MYO1E: variants seen among roughly 807,000 people sequenced by gnomAD.
MYO1E encodes unconventional myosin-Ie.
Under a neutral mutation model 151.1 loss-of-function variants are expected in MYO1E, and 68 were observed. The ratio of observed to expected loss-of-function variants is 0.45; its 90% CI spans 0.37 to 0.55. The LOEUF is 0.55. MYO1E is among the 20% of genes least tolerant of loss of function. The pLI is 0.00. For missense variants in MYO1E, 1,363 were observed against 1,389.3 expected, an observed-to-expected ratio of 0.98 and a Z score of 0.30; for synonymous variants, 601 against 501.7, an observed-to-expected ratio of 1.20 and a Z score of -2.64.
chr15:59,174,787 G>A (rs2079615143), intron 19 of MYO1E, among the ~76,000 whole-genome samples: 1 of 152,018 alleles, frequency 6.6e-6, no homozygotes, highest in Non-Finnish European at 1.5e-5. Flanking sequence ...GATTCACCAA[G>A]GACCAGCGGA....
chr15:59,314,985 T>G (rs1314910492), intron 1 of MYO1E, among the ~76,000 whole-genome samples: 1 of 152,114 alleles, frequency 6.6e-6, no homozygotes, highest in East Asian at 1.9e-4. Flanking sequence ...TGGATTTCCA[T>G]GAGTAACCTT....
At chr15:59,207,946 G>C in intron 14 of MYO1E, 1 of 1,613,858 alleles carries the variant, frequency 6.2e-7, no homozygotes, top group Non-Finnish European at 8.5e-7. Context: ...AGATGAAGAA[G>C]TATTCCTCAG....
rs776652783 is a variant in MYO1E at position 59,223,134 on chromosome 15, C to A, written c.835G>T (p.Val279Leu). The A allele has an allele frequency of 2.5e-6, 4 of 1,614,238 alleles. No homozygotes were observed. Among genetic ancestry groups the A allele is most frequent in the Non-Finnish European group, 3.4e-6 (4 of 1,180,042 alleles). Residue 279 changes from valine to leucine, a missense_variant, in exon 9 of 28, where the codon GTG becomes TTG. Transcript: ENST00000288235. The part of the protein sequence containing the change: ...AEEQTLVLQI[V>L]AGILHLGNIS... ...TTTCCCAGGTGGAGAATACCCGCCA[C>A]TATCTGCAACACCAGCGTTTGCTCT...
chr15:59,230,336 T>G (rs1596376331), intron 6 of MYO1E, among the ~76,000 whole-genome samples: 2 of 152,024 alleles, frequency 1.3e-5, no homozygotes, highest in African/African-American at 4.8e-5. Flanking sequence ...AAATAATAAA[T>G]GTTGAGTGTT....
intron 5 of MYO1E, 27 bp downstream of exon 5, chr15:59,236,558 T>C: frequency 6.4e-7 from 1 of 1,557,668 alleles, no homozygotes; most frequent in Non-Finnish European, 8.9e-7. Flanking sequence ...TAACATAAGG[T>C]ATCATAATGG....
At chr15:59,330,291 T>C (rs1008149902) in intron 1 of MYO1E, among the ~76,000 whole-genome samples, 1 of 152,150 alleles carries the variant, frequency 6.6e-6, no homozygotes, top group African/African-American at 2.4e-5. Flanking sequence ...GTACCTAATG[T>C]TGACTTCAAG....
rs570333474 is a variant in MYO1E, at chr15:59,137,268, G to T, written c.*112C>A. On this transcript the variant is annotated 3_prime_UTR_variant, in exon 28 of 28. Transcript: ENST00000288235. ...TGGGGAAGGTACCAGAATAGCTCCA[G>T]GCCTTGGAGAAGCAATTGCTCATTG... 4 of 977,288 alleles carry T rather than the reference G, an allele frequency of 4.1e-6. No homozygotes were observed. Among genetic ancestry groups the T allele is most frequent in the East Asian group, 2.4e-5 (1 of 40,920 alleles). 60.5% of individuals were successfully genotyped at this position (977,288 alleles called of 1,614,324 possible).
At position 59,133,086 on chromosome 15, in the gene MYO1E, A is replaced by G. The variant is rs1179305417; in HGVS notation, c.*4294T>C. The G allele has an allele frequency of 1.3e-5, 2 of 152,250 alleles. No homozygotes were observed. Among genetic ancestry groups the G allele is most frequent in the Non-Finnish European group, 2.9e-5 (2 of 68,048 alleles). 9.4% of individuals were successfully genotyped at this position (152,250 alleles called of 1,614,324 possible). On this transcript the variant is annotated 3_prime_UTR_variant, in exon 28 of 28. Transcript: ENST00000288235. ...ATCTGTTGAATTGGAGAAAATGATT[A>G]AAAGCACAGGCCTTTTGGGCACAGT...
intron 1 of MYO1E, among the ~76,000 whole-genome samples, chr15:59,311,961 G>T (rs901174846): frequency 1.3e-5 from 2 of 152,048 alleles, no homozygotes; most frequent in East Asian, 3.9e-4. Context: ...GCAGCCCCTC[G>T]ATCATGAACT....
intron 1 of MYO1E, among the ~76,000 whole-genome samples, chr15:59,323,628 C>T (rs1332026973): frequency 6.6e-6 from 1 of 151,850 alleles, no homozygotes; most frequent in African/African-American, 2.4e-5. Flanking sequence ...TGCACTCCAG[C>T]CTGGGTGACA....
intron 22 of MYO1E, among the ~76,000 whole-genome samples, chr15:59,164,682 C>G (rs2079554733): frequency 6.6e-6 from 1 of 152,218 alleles, no homozygotes. Context: ...ATTCACAGGT[C>G]AAGGTAGGGG....
rs114995069 is a variant in MYO1E at position 59,172,358 on chromosome 15, A to G, written c.2335-316T>C. ...GGTGACAGAGCAAGACTCCGTCTCA[A>G]AAAAAGGTGGACAGACATGGTCAAT... On this transcript the variant is annotated intron_variant, in intron 21 of 27. Transcript: ENST00000288235. Among the ~76,000 whole-genome samples the G allele has an allele frequency of 9.6e-3, 1,467 of 152,278 alleles. 29 individuals carry two copies. Among genetic ancestry groups the G allele is most frequent in the African/African-American group, 0.033 (1,387 of 41,560 alleles).
chr15:59,194,136 T>C (rs2079751179), intron 17 of MYO1E, among the ~76,000 whole-genome samples: 1 of 151,530 alleles, frequency 6.6e-6, no homozygotes, highest in African/African-American at 2.4e-5. Flanking sequence ...ATCATGCCGC[T>C]GCACTCCAGC....
intron 9 of MYO1E, among the ~76,000 whole-genome samples, 182 bp downstream of exon 9, chr15:59,222,877 G>A (rs2079964711): frequency 6.6e-6 from 1 of 152,154 alleles, no homozygotes; most frequent in Non-Finnish European, 1.5e-5. Context: ...GTAAGGACAG[G>A]GACAGGTGCA....
At chr15:59,326,820 C>T (rs2080667461) in intron 1 of MYO1E, among the ~76,000 whole-genome samples, 1 of 152,182 alleles carries the variant, frequency 6.6e-6, no homozygotes, top group Non-Finnish European at 1.5e-5. Flanking sequence ...GTAAAAAGGA[C>T]ATTGGAAACA....
chr15:59,368,239 T>C (rs2140445607), intron 1 of MYO1E, among the ~76,000 whole-genome samples: 1 of 152,346 alleles, frequency 6.6e-6, no homozygotes, highest in Admixed American at 6.5e-5. Flanking sequence ...AATCAAGTAG[T>C]GGTGCCTCCT....
intron 1 of MYO1E, among the ~76,000 whole-genome samples, chr15:59,368,337 C>T (rs1009833720): frequency 2.6e-5 from 4 of 151,960 alleles, no homozygotes; most frequent in East Asian, 1.9e-4. Flanking sequence ...AACCACTGGC[C>T]GGGCACAGTG....
intron 1 of MYO1E, among the ~76,000 whole-genome samples, chr15:59,332,000 GCT>G (rs2080701098): frequency 6.6e-6 from 1 of 152,146 alleles, no homozygotes; most frequent in Admixed American, 6.5e-5. Flanking sequence ...AAGCCCAACG[GCT>G]CTCTTCTTTA....
chr15:59,346,015 T>C (rs946651017), intron 1 of MYO1E, among the ~76,000 whole-genome samples: 1 of 152,282 alleles, frequency 6.6e-6, no homozygotes, highest in East Asian at 1.9e-4. Context: ...TATCACTTTA[T>C]AGTTTGCAAA....
Sources: allele counts gnomAD v4.1 joint callset (sites outside exome capture counted in the v4.1 genomes callset), GRCh38; gene constraint gnomAD v4.1.1; transcripts MANE v1.5; gene names NCBI Gene and HGNC (gene_info 2026-07-23, HGNC 2026-07-21).